The following SUGCT variants were observed in gnomAD, a reference collection of about 807,000 sequenced individuals.
SUGCT encodes the protein succinyl-CoA:glutarate CoA-transferase.
SUGCT carries 41 observed loss-of-function variants against 55.0 expected under a neutral mutation model. The ratio of observed to expected loss-of-function variants is 0.74; its 90% CI spans 0.58 to 0.97. The LOEUF (loss-of-function observed/expected upper bound fraction) is 0.97, where lower values mean the gene tolerates loss of function less well. SUGCT is among the 50% of genes least tolerant of loss of function. SUGCT has a pLI of 0.00. For missense variants in SUGCT, 568 were observed against 547.8 expected (o/e 1.04, Z -0.37); for synonymous variants, 187 against 200.4 (o/e 0.93, Z 0.56).
In SUGCT at chr7:40,426,379, G is replaced by A. The variant is rs1018033970; in HGVS notation, c.817-22908G>A. The stretch of plus-strand genomic sequence containing the variant: ...ACCAGGCTCTAAGACAAATTTCAGT[G>A]ACCCTATCCTGATTAGATTCAACAT... On this transcript the variant is annotated intron_variant, in intron 9 of 13. Transcript: ENST00000335693. Among the ~76,000 whole-genome samples, 3 of 152,138 alleles carry A rather than the reference G, an allele frequency of 2.0e-5. No homozygotes were observed. In the East Asian group the frequency reaches 5.8e-4, roughly 29 times the overall value.
chr7:40,567,492 T>C (rs753810345), intron 12 of SUGCT, among the ~76,000 whole-genome samples: 1 of 152,226 alleles, frequency 6.6e-6, no homozygotes, highest in Non-Finnish European at 1.5e-5. Flanking sequence ...GTAATCATCA[T>C]AGGCCTAGAT....
the SUGCT span, among the ~76,000 whole-genome samples, chr7:40,993,396 T>C: frequency 6.6e-6 from 1 of 152,156 alleles, no homozygotes; most frequent in Non-Finnish European, 1.5e-5. Context: ...CAGAGCTGAA[T>C]GCGAGAGGCT....
the SUGCT span, among the ~76,000 whole-genome samples, chr7:40,916,933 G>A: frequency 2.6e-5 from 4 of 152,092 alleles, no homozygotes; most frequent in Non-Finnish European, 4.4e-5. Context: ...GCAGAATGTC[G>A]GAATCTATTG....
chr7:41,027,167 CAG>C, the SUGCT span, among the ~76,000 whole-genome samples: 2 of 152,176 alleles, frequency 1.3e-5, no homozygotes, highest in African/African-American at 4.8e-5. Flanking sequence ...AAAAGAAGTC[CAG>C]AGTTTTAGCC....
intron 13 of SUGCT, among the ~76,000 whole-genome samples, chr7:40,827,866 C>T (rs754212534): frequency 2.3e-4 from 35 of 152,256 alleles, no homozygotes; most frequent in Admixed American, 2.0e-3. Flanking sequence ...GAGAGGCCAG[C>T]GTGTCTCTTG....
chr7:40,585,074 G>A (rs1358459276), intron 12 of SUGCT, among the ~76,000 whole-genome samples: 3 of 152,180 alleles, frequency 2.0e-5, no homozygotes, highest in Non-Finnish European at 1.5e-5. Context: ...AAATTGGAAT[G>A]ATCCCATCAG....
At chr7:40,324,261 A>ATATATATATATTTATTTATTTATT (rs377215730) in intron 9 of SUGCT, among the ~76,000 whole-genome samples, 14 of 99,966 alleles carry the variant, frequency 1.4e-4, no homozygotes, top group Admixed American at 4.6e-4. Flanking sequence ...AAATATATAT[A>ATATATATATATTTATTTATTTATT]TATTTATTTT....
intron 12 of SUGCT, among the ~76,000 whole-genome samples, chr7:40,501,896 C>T (rs1338507845): frequency 6.6e-6 from 1 of 151,862 alleles, no homozygotes; most frequent in Non-Finnish European, 1.5e-5. Context: ...AATGATGTAA[C>T]AAAAGTTTAA....
intron 10 of SUGCT, among the ~76,000 whole-genome samples, chr7:40,451,393 T>C (rs1789183154): frequency 6.6e-6 from 1 of 152,230 alleles, no homozygotes; most frequent in African/African-American, 2.4e-5. Flanking sequence ...AAGAACAGTT[T>C]TCAACAAAGG....
chr7:40,237,469 G>A (rs577789578), intron 6 of SUGCT, among the ~76,000 whole-genome samples, 166 bp from the exon 7 acceptor site: 1 of 152,022 alleles, frequency 6.6e-6, no homozygotes, highest in Non-Finnish European at 1.5e-5. Context: ...AGCCGGGGTC[G>A]AGCACTATAA....
the SUGCT span, among the ~76,000 whole-genome samples, chr7:40,870,632 C>A: frequency 6.6e-6 from 1 of 152,128 alleles, no homozygotes; most frequent in African/African-American, 2.4e-5. Context: ...TGCAAATATT[C>A]TGTTTTTCAT....
intron 11 of SUGCT, among the ~76,000 whole-genome samples, chr7:40,480,143 C>G (rs1304795): frequency 0.27 from 41,251 of 151,846 alleles, 7,287 homozygotes; most frequent in African/African-American, 0.5. Context: ...TTAGTTATAT[C>G]GTTTTATGTC....
intron 3 of SUGCT, among the ~76,000 whole-genome samples, chr7:40,184,381 G>A (rs1429509460): frequency 2.0e-5 from 3 of 152,034 alleles, no homozygotes; most frequent in African/African-American, 7.3e-5. Flanking sequence ...CCGGGCTCAA[G>A]CAATCCTCCT....
intron 12 of SUGCT, among the ~76,000 whole-genome samples, chr7:40,560,269 C>T (rs544839965): frequency 9.9e-5 from 15 of 152,218 alleles, no homozygotes; most frequent in Non-Finnish European, 2.2e-4. Context: ...TGCATGCATG[C>T]ATGCACATAT....
At chr7:40,557,422 A>G (rs1795607188) in intron 12 of SUGCT, among the ~76,000 whole-genome samples, 1 of 152,190 alleles carries the variant, frequency 6.6e-6, no homozygotes, top group Admixed American at 6.5e-5. Context: ...CACAGGCAAC[A>G]AAATAAAAAA....
In SUGCT at chr7:40,394,569, C is replaced by T. The variant is rs191761026; in HGVS notation, c.817-54718C>T. ...GCCAAGTCAAGTTAATTAACCTATG[C>T]ATTACCTCACATGCAGTGTTAACTA... On this transcript the variant is annotated intron_variant, in intron 9 of 13. Transcript: ENST00000335693. 3.2e-3 allele frequency among the ~76,000 whole-genome samples: 492 copies of T among 152,274 alleles called. 4 individuals are homozygous for T. Among genetic ancestry groups the T allele is most frequent in the Non-Finnish European group, 3.5e-3 (241 of 68,014 alleles).
intron 13 of SUGCT, among the ~76,000 whole-genome samples, chr7:40,759,148 T>C (rs772492551): frequency 1.3e-5 from 2 of 152,188 alleles, no homozygotes; most frequent in Non-Finnish European, 2.9e-5. Flanking sequence ...AATTCTGCTT[T>C]CTCTTTGTTG....
intron 7 of SUGCT, among the ~76,000 whole-genome samples, chr7:40,249,586 A>G (rs867679157): frequency 1.3e-5 from 2 of 151,582 alleles, no homozygotes; most frequent in South Asian, 4.2e-4. Context: ...CTTGATTTTA[A>G]TCTTAACCAT....
intron 9 of SUGCT, among the ~76,000 whole-genome samples, chr7:40,326,605 A>C (rs1584689132): frequency 6.6e-6 from 1 of 152,296 alleles, no homozygotes; most frequent in East Asian, 1.9e-4. Flanking sequence ...ACTTTTTCGG[A>C]AATTGTAGCC....
Sources: allele counts gnomAD v4.1 joint callset (sites outside exome capture counted in the v4.1 genomes callset), GRCh38; gene constraint gnomAD v4.1.1; transcripts MANE v1.5; gene names NCBI Gene and HGNC (gene_info 2026-07-23, HGNC 2026-07-21).